The following AKAP6 variants were observed in gnomAD, a reference collection of about 807,000 sequenced individuals.
AKAP6 encodes the protein A-kinase anchoring protein 6.
Under a neutral mutation model 188.5 loss-of-function variants are expected in AKAP6, and 58 were observed. That is an observed-to-expected ratio of 0.31 (90% CI 0.25 to 0.38). AKAP6 has a LOEUF of 0.38. Ranked by LOEUF, AKAP6 falls within the 10% of genes least tolerant of loss-of-function variation. The probability of loss-of-function intolerance (pLI) is 1.00; values close to 1 mark genes in which losing one functional copy is unlikely to be tolerated. For synonymous variants in AKAP6, 989 were observed against 998.6 expected, an observed-to-expected ratio of 0.99 and a Z score of 0.18; for missense variants, 2,710 against 2,740.0, an observed-to-expected ratio of 0.99 and a Z score of 0.24.
chr14:32,565,243 C>T (rs574142043), intron 4 of AKAP6, among the ~76,000 whole-genome samples: 1 of 152,230 alleles, frequency 6.6e-6, no homozygotes, highest in South Asian at 2.1e-4. Context: ...GTTGAGAAAC[C>T]AAATTTATGA....
At chr14:32,338,841 T>C (rs1487689054) in intron 1 of AKAP6, among the ~76,000 whole-genome samples, 1 of 152,160 alleles carries the variant, frequency 6.6e-6, no homozygotes, top group Non-Finnish European at 1.5e-5. Context: ...TAAATGAAAG[T>C]TATTGTTTCA....
At position 32,822,804 on chromosome 14, in the gene AKAP6, A is replaced by C. The variant is rs777935657; in HGVS notation, c.4991A>C (p.Gln1664Pro). 5 of 1,613,858 alleles carry C rather than the reference A, an allele frequency of 3.1e-6. No individual in the cohort carries two copies. Among genetic ancestry groups the C allele is most frequent in the Non-Finnish European group, 4.2e-6 (5 of 1,179,944 alleles). The change falls in exon 13 of 14, where the codon CAA becomes CCA. Residue 1664 changes from glutamine to proline, a missense_variant. Gln to Pro is a moderately conservative substitution (Grantham distance 76). Transcript: ENST00000280979. Reference protein sequence around the residue: ...VSDITLQSSSQKMSFTGQMSL... With the variant: ...VSDITLQSSSPKMSFTGQMSL... ...GATATCACTCTTCAAAGCAGTTCCC[A>C]AAAGATGTCCTTTACTGGCCAGATG... is the stretch of plus-strand genomic sequence containing the variant.
At chr14:32,409,607 T>C (rs930202071) in intron 1 of AKAP6, among the ~76,000 whole-genome samples, 14 of 152,204 alleles carry the variant, frequency 9.2e-5, no homozygotes, top group African/African-American at 3.4e-4. Context: ...GGTTCCTTTC[T>C]ATCTGAAATT....
intron 1 of AKAP6, among the ~76,000 whole-genome samples, chr14:32,391,710 G>T (rs1034170722): frequency 2.0e-5 from 3 of 152,128 alleles, no homozygotes; most frequent in African/African-American, 7.2e-5. Context: ...TTCTGTTCTG[G>T]CCATGTAAGA....
intron 13 of AKAP6, among the ~76,000 whole-genome samples, chr14:32,826,983 C>A (rs1377581521): frequency 6.6e-6 from 1 of 152,010 alleles, no homozygotes; most frequent in Non-Finnish European, 1.5e-5. Flanking sequence ...ATTTACTGGT[C>A]CTATTCAGGA....
intron 8 of AKAP6, among the ~76,000 whole-genome samples, chr14:32,682,995 C>CTTTTTTTTTTTTTGTTTTTTTTTTTT (rs71115090): frequency 6.3e-5 from 9 of 142,256 alleles, no homozygotes; most frequent in East Asian, 2.2e-4. Flanking sequence ...TTTTTTCTTC[C>CTTTTTTTTTTTTTGTTTTTTTTTTTT]TTTTTTTTTT....
intron 12 of AKAP6, among the ~76,000 whole-genome samples, chr14:32,776,890 G>C (rs1286052098): frequency 3.3e-5 from 5 of 152,150 alleles, no homozygotes; most frequent in African/African-American, 1.2e-4. Context: ...GAGTGCCAAA[G>C]AGGAAAGGGC....
intron 4 of AKAP6, 35 bp from the exon 5 acceptor site, chr14:32,577,085 G>GC (rs1483323135): frequency 1.3e-6 from 2 of 1,587,684 alleles, no homozygotes; most frequent in African/African-American, 2.7e-5. Context: ...TGCCTTTCTT[G>GC]CCCCTTTTTT....
chr14:32,433,881 T>A lies in AKAP6; in HGVS notation c.324+64T>A. The A allele has an allele frequency of 2.7e-6, 4 of 1,472,160 alleles. No homozygotes were observed. The South Asian group carries it at 3.8e-5, about 14-fold the overall frequency. The allele number at this position is 1,472,160 out of a possible 1,614,324, so 91.2% of individuals were successfully genotyped here. A position where few individuals can be genotyped will look rare whatever the true frequency, so the allele number is the denominator to read the frequency against. On this transcript the variant is annotated intron_variant, in intron 2 of 13. Coordinates refer to ENST00000280979, the MANE Select transcript of AKAP6 (RefSeq NM_004274.5). ...TCAAAAGGCTGTGGCACCTAGAGAC[T>A]GTGTTCTGTAATTTCCAGTGAGGAA... is the stretch of plus-strand genomic sequence containing the variant.
chr14:32,542,308 G>GTCAT (rs767873167), intron 3 of AKAP6, among the ~76,000 whole-genome samples: 17 of 152,196 alleles, frequency 1.1e-4, no homozygotes, highest in South Asian at 4.1e-4. Context: ...CTAAAATGTT[G>GTCAT]TCATTCATTC....
At chr14:32,358,542 C>T (rs1389354998) in intron 1 of AKAP6, among the ~76,000 whole-genome samples, 1 of 151,962 alleles carries the variant, frequency 6.6e-6, no homozygotes, top group Non-Finnish European at 1.5e-5. Context: ...GTTAGGTATG[C>T]AGTGAGCCAG....
chr14:32,787,881 C>T (rs1365413819), intron 12 of AKAP6, among the ~76,000 whole-genome samples: 1 of 151,648 alleles, frequency 6.6e-6, no homozygotes, highest in Non-Finnish European at 1.5e-5. Context: ...ATATGCCCTC[C>T]CTCCTGTTTC....
rs750172388 is a variant in AKAP6 at position 32,546,885 on chromosome 14, T to G, written c.2232T>G (p.Ala744=). The G allele has an allele frequency of 5.0e-5, 80 of 1,613,864 alleles. No individual in the cohort carries two copies. Among genetic ancestry groups the G allele is most frequent in the Non-Finnish European group, 6.7e-5 (79 of 1,179,994 alleles). The part of the protein sequence containing the change: ...KKYADEKSER[A]SSSEKNESHS... ...ATGCTGATGAGAAGTCAGAAAGAGC[T>G]TCATCCTCTGAGAAAAATGAGAGCC... The change falls in exon 4 of 14, where the codon GCT becomes GCG. Residue 744 remains alanine, a synonymous_variant. Coordinates refer to ENST00000280979, the MANE Select transcript of AKAP6 (RefSeq NM_004274.5).
At chr14:32,755,042 C>T (rs2032280212) in intron 11 of AKAP6, among the ~76,000 whole-genome samples, 2 of 152,168 alleles carry the variant, frequency 1.3e-5, no homozygotes, top group African/African-American at 4.8e-5. Context: ...TCATGTCCCT[C>T]TTCAGATTTT....
Position 32,577,190 on chromosome 14 carries a change from C to T in AKAP6, c.2417C>T (p.Thr806Ile), listed in dbSNP as rs369816989. ...GCCATGGAAACTACAGAAAATTGGA[C>T]TCCCCCTAAAGCAGAGATGGATGAC... Reference protein sequence around the residue: ...NEAMETTENWTPPKAEMDDLK... With the variant: ...NEAMETTENWIPPKAEMDDLK... Residue 806 changes from threonine to isoleucine, a missense_variant, in exon 5 of 14, where the codon ACT (threonine) becomes ATT (isoleucine). Physicochemically the swap from Thr to Ile is moderately conservative, Grantham distance 89 (BLOSUM62 -1). Transcript: ENST00000280979. 6.2e-7 allele frequency: 1 copy of T among 1,612,490 alleles called. No homozygotes were observed. Among genetic ancestry groups the T allele is most frequent in the Non-Finnish European group, 8.5e-7 (1 of 1,179,158 alleles).
intron 9 of AKAP6, among the ~76,000 whole-genome samples, chr14:32,727,539 A>G (rs143031024): frequency 6.6e-6 from 1 of 152,328 alleles, no homozygotes; most frequent in African/African-American, 2.4e-5. Flanking sequence ...AGATAATGCA[A>G]TCTATGTCCA....
intron 2 of AKAP6, among the ~76,000 whole-genome samples, chr14:32,435,048 G>A (rs1055552987): frequency 2.0e-5 from 3 of 152,240 alleles, no homozygotes; most frequent in African/African-American, 7.2e-5. Context: ...TCTTTCTGCT[G>A]TTGCAGCAGG....
chr14:32,344,240 T>A (rs1338958471), intron 1 of AKAP6, among the ~76,000 whole-genome samples: 1 of 152,214 alleles, frequency 6.6e-6, no homozygotes, highest in Admixed American at 6.5e-5. Flanking sequence ...AGCTGTGATG[T>A]TCTGGGAGCT....
chr14:32,621,440 C>T (rs1406618703), intron 7 of AKAP6, among the ~76,000 whole-genome samples: 1 of 152,014 alleles, frequency 6.6e-6, no homozygotes, highest in African/African-American at 2.4e-5. Context: ...ACCCAAAAAT[C>T]ATTCAAGAGA....
Sources: gnomAD v4.1 joint callset for allele counts (sites outside exome capture counted in the v4.1 genomes callset) on GRCh38, gnomAD v4.1.1 for gene constraint, MANE v1.5 for transcripts, NCBI Gene and HGNC (gene_info 2026-07-23, HGNC 2026-07-21) for gene names.